The following AFF1 variants were observed in gnomAD, a reference collection of about 807,000 sequenced individuals.
The protein encoded by AFF1 is ALF transcription elongation factor 1.
AFF1 carries 48 observed loss-of-function variants against 121.7 expected under a neutral mutation model. The ratio of observed to expected loss-of-function variants is 0.39; its 90% CI spans 0.31 to 0.50. The LOEUF (loss-of-function observed/expected upper bound fraction) is 0.50, where lower values mean the gene tolerates loss of function less well. Among genes scored for constraint, AFF1 ranks in the 20% least tolerant of loss-of-function variants. The pLI, the probability that AFF1 is intolerant of heterozygous loss-of-function variation, is 0.76. For synonymous variants in AFF1, 613 were observed against 563.0 expected (o/e 1.09, Z -1.26); for missense variants, 1,523 against 1,511.7 (o/e 1.01, Z -0.12).
intron 2 of AFF1, among the ~76,000 whole-genome samples, chr4:87,006,314 C>G (rs996443494): frequency 3.9e-5 from 6 of 152,172 alleles, no homozygotes; most frequent in African/African-American, 1.4e-4. Context: ...AAGTATTTTC[C>G]TGCTTTTGAG....
chr4:86,948,324 G>T (rs978788149), intron 1 of AFF1, among the ~76,000 whole-genome samples, 174 bp from the exon 2 acceptor site: 13 of 151,822 alleles, frequency 8.6e-5, no homozygotes, highest in African/African-American at 3.1e-4. Context: ...AGTGCAATTG[G>T]CCTTTGATAT....
intron 15 of AFF1, 57 bp downstream of exon 15, chr4:87,127,174 CCA>C (rs1491024562): frequency 0.012 from 15,145 of 1,225,596 alleles, 149 homozygotes; most frequent in Non-Finnish European, 0.013. Context: ...CTTCCCCCCC[CCA>C]CCAAGATAGA....
chr4:86,993,760 C>T (rs1041387758), intron 2 of AFF1, among the ~76,000 whole-genome samples: 3 of 151,898 alleles, frequency 2.0e-5, no homozygotes, highest in South Asian at 2.1e-4. Context: ...GTCAGGAGTT[C>T]GAGACCAGCC....
intron 16 of AFF1, among the ~76,000 whole-genome samples, chr4:87,129,853 C>T (rs914785529): frequency 2.4e-4 from 37 of 152,314 alleles, no homozygotes; most frequent in African/African-American, 8.2e-4. Context: ...TGTTTCTGCC[C>T]TGTGTAGAGT....
intron 2 of AFF1, among the ~76,000 whole-genome samples, chr4:87,015,935 C>T (rs773793610): frequency 3.6e-4 from 55 of 152,326 alleles, no homozygotes; most frequent in Middle Eastern, 6.8e-3. Flanking sequence ...AATCCCAGCA[C>T]TCTGGGAGGC....
chr4:87,130,958 C>T, intron 16 of AFF1, 125 bp from the exon 17 acceptor site: 2 of 1,294,842 alleles, frequency 1.5e-6, no homozygotes, highest in Non-Finnish European at 2.1e-6. Flanking sequence ...TTCATTCATC[C>T]TCACACTTCT....
chr4:87,022,233 CA>C (rs1727977826), intron 2 of AFF1, among the ~76,000 whole-genome samples: 1 of 147,572 alleles, frequency 6.8e-6, no homozygotes, highest in Non-Finnish European at 1.5e-5. Context: ...AAAAAAATGC[CA>C]TGCTAAAAAC....
At chr4:87,103,168 C>G (rs1725596456) in intron 8 of AFF1, among the ~76,000 whole-genome samples, 1 of 152,020 alleles carries the variant, frequency 6.6e-6, no homozygotes. Flanking sequence ...TAATCAAAAA[C>G]TTTAGAAAAA....
chr4:87,129,332 A>G (rs1264240205), intron 16 of AFF1, among the ~76,000 whole-genome samples: 2 of 152,232 alleles, frequency 1.3e-5, no homozygotes, highest in Non-Finnish European at 2.9e-5. Flanking sequence ...GTTATCTTCA[A>G]CTGATGAGTG....
intron 4 of AFF1, among the ~76,000 whole-genome samples, chr4:87,082,746 A>G (rs1217195138): frequency 2.0e-5 from 3 of 152,114 alleles, no homozygotes; most frequent in African/African-American, 4.8e-5. Context: ...GAATTTTGAC[A>G]TTAGATTCAA....
At chr4:87,103,663 G>A (rs1032377841) in intron 8 of AFF1, among the ~76,000 whole-genome samples, 1 of 152,200 alleles carries the variant, frequency 6.6e-6, no homozygotes. Context: ...AAGAGGAAGT[G>A]GAGCCAAAAG....
rs201946740 is a variant in AFF1 at position 87,105,837 on chromosome 4, A to G, written c.1368A>G (p.Ala456=). ...QTPEKPPSSS[A]PPSAPQSLPE... ...CAGAGAAGCCTCCCTCCTCATCTGCACCTCCAAGGTACCGTGTGGGTTTCT... is the reference window on the plus strand; with the variant it reads ...CAGAGAAGCCTCCCTCCTCATCTGCGCCTCCAAGGTACCGTGTGGGTTTCT... The change falls in exon 10 of 21, where the codon GCA becomes GCG. Residue 456 remains alanine (A), a synonymous_variant. Coordinates refer to ENST00000395146, the MANE Select transcript of AFF1 (RefSeq NM_001166693.3). The G allele has an allele frequency of 1.2e-6, 2 of 1,613,932 alleles. No individual in the cohort carries two copies.
intron 4 of AFF1, among the ~76,000 whole-genome samples, chr4:87,061,241 G>T (rs1720758314): frequency 6.6e-6 from 1 of 152,182 alleles, no homozygotes; most frequent in Admixed American, 6.5e-5. Flanking sequence ...GCTTTGGCAG[G>T]AGCTTGTGCA....
At chr4:87,106,755 A>C (rs1725948924) in intron 10 of AFF1, among the ~76,000 whole-genome samples, 1 of 152,186 alleles carries the variant, frequency 6.6e-6, no homozygotes, top group Non-Finnish European at 1.5e-5. Flanking sequence ...GGACAAAGTT[A>C]TTTTACTCAC....
intron 8 of AFF1, among the ~76,000 whole-genome samples, chr4:87,099,784 A>G (rs1231507675): frequency 6.6e-6 from 1 of 152,194 alleles, no homozygotes; most frequent in East Asian, 1.9e-4. Flanking sequence ...ATTTTGTAAC[A>G]AACTGTAGGT....
chr4:87,079,321 A>G (rs1722952432), intron 4 of AFF1, among the ~76,000 whole-genome samples: 1 of 152,252 alleles, frequency 6.6e-6, no homozygotes, highest in South Asian at 2.1e-4. Flanking sequence ...TGCTTAGAAG[A>G]CATTCACTCA....
intron 12 of AFF1, among the ~76,000 whole-genome samples, chr4:87,122,623 A>G (rs1270630877): frequency 6.6e-6 from 1 of 152,028 alleles, no homozygotes; most frequent in East Asian, 1.9e-4. Context: ...TTCAAGGTAC[A>G]TTTTTCCAAC....
intron 2 of AFF1, among the ~76,000 whole-genome samples, chr4:87,024,869 C>T (rs1728371586): frequency 6.6e-6 from 1 of 152,240 alleles, no homozygotes; most frequent in South Asian, 2.1e-4. Context: ...GTTGGGATCA[C>T]AGGCGTGAGC....
At chr4:86,977,920 T>C (rs1723429103) in intron 2 of AFF1, among the ~76,000 whole-genome samples, 1 of 152,166 alleles carries the variant, frequency 6.6e-6, no homozygotes, top group East Asian at 1.9e-4. Context: ...GAGTGCCTAC[T>C]GCACACTGTG....
Sources: allele counts gnomAD v4.1 joint callset (sites outside exome capture counted in the v4.1 genomes callset), GRCh38; gene constraint gnomAD v4.1.1; transcripts MANE v1.5; gene names NCBI Gene and HGNC (gene_info 2026-07-23, HGNC 2026-07-21).